The following SYNE2 variants were observed in gnomAD, a reference collection of about 807,000 sequenced individuals.
SYNE2 encodes nesprin-2.
In SYNE2, 431 loss-of-function variants were observed where a neutral mutation model predicts 856.3. That is an observed-to-expected ratio of 0.50 (90% confidence interval 0.47 to 0.55). The LOEUF (loss-of-function observed/expected upper bound fraction) is 0.55, where lower values mean the gene tolerates loss of function less well. Ranked by LOEUF, SYNE2 falls within the 20% of genes least tolerant of loss-of-function variation. SYNE2 has a pLI of 0.00. For synonymous variants in SYNE2, 2,923 were observed against 2,872.3 expected (o/e 1.02, Z -0.56); for missense variants, 8,129 against 8,023.2 (o/e 1.01, Z -0.50).
intron 65 of SYNE2, among the ~76,000 whole-genome samples, chr14:64,109,125 G>A (rs1270067150): frequency 4.0e-5 from 6 of 151,714 alleles, no homozygotes; most frequent in African/African-American, 9.7e-5. Context: ...TCTGCCCACC[G>A]TAATGTTATT....
At chr14:63,938,075 G>A (rs2095854841) in intron 2 of SYNE2, among the ~76,000 whole-genome samples, 1 of 152,136 alleles carries the variant, frequency 6.6e-6, no homozygotes, top group South Asian at 2.1e-4. Context: ...GATTGACGCA[G>A]GGCAGAAGAC....
rs1303201232 is a variant in SYNE2, at chr14:64,056,045, C to G, written c.9846C>G (p.Tyr3282Ter). The change falls in exon 49 of 116, where the codon TAC becomes TAG. Residue 3282 changes from tyrosine to a stop codon, truncating the protein, a stop_gained. Coordinates refer to ENST00000555002, the MANE Select transcript of SYNE2 (RefSeq NM_182914.3). LOFTEE classifies it high-confidence loss of function. ...ITSLEAIIIPYRVDVGNPEES... is the reference protein window; with the variant it reads ...ITSLEAIIIP ...CCCTCGAAGCCATCATTATACCCTACAGAGTAGATGTTGGTAATCCAGAAG... is the reference window on the plus strand; with the variant it reads ...CCCTCGAAGCCATCATTATACCCTAGAGAGTAGATGTTGGTAATCCAGAAG... 6.2e-7 allele frequency: 1 copy of G among 1,614,010 alleles called. No homozygotes were observed. The highest frequency in any genetic ancestry group is 8.5e-7 in the Non-Finnish European group (1 of 1,179,994).
Position 63,947,578 on chromosome 14 carries a change from G to A in SYNE2, c.409-2247G>A, listed in dbSNP as rs550904654. On this transcript the variant is annotated intron_variant, in intron 6 of 115. Coordinates refer to ENST00000555002, the MANE Select transcript of SYNE2 (RefSeq NM_182914.3). Reference sequence around the variant, plus strand: ...TGGCCCAGCACAGTGGCTCATGCCTGTAATCCCAGCACTTTGGGAGGCCGA... The same window carrying A: ...TGGCCCAGCACAGTGGCTCATGCCTATAATCCCAGCACTTTGGGAGGCCGA... 5.3e-5 allele frequency among the ~76,000 whole-genome samples: 8 copies of A among 152,184 alleles called. No individual in the cohort carries two copies. The East Asian group carries it at 9.7e-4, about 18-fold the overall frequency.
intron 30 of SYNE2, among the ~76,000 whole-genome samples, chr14:64,004,601 A>T (rs2153508056): frequency 6.6e-6 from 1 of 152,268 alleles, no homozygotes; most frequent in Admixed American, 6.5e-5. Context: ...AAGTGTTGGG[A>T]TTACAGGCGT....
At chr14:64,029,862 T>A in intron 43 of SYNE2, 33 bp from the exon 44 acceptor site, 2 of 1,602,822 alleles carry the variant, frequency 1.2e-6, no homozygotes, top group Non-Finnish European at 1.7e-6. Context: ...CAGAGAGAAA[T>A]AATTTGTAAA....
intron 1 of SYNE2, among the ~76,000 whole-genome samples, chr14:63,876,512 G>A (rs1251454702): frequency 4.0e-5 from 6 of 148,992 alleles, no homozygotes; most frequent in East Asian, 2.0e-4. Context: ...TTTTGAGACC[G>A]AGTCTCGCTC....
rs773739572 is a variant in SYNE2 at position 64,132,390 on chromosome 14, A to G, written c.14466A>G (p.Leu4822=). 6.2e-6 allele frequency: 10 copies of G among 1,614,230 alleles called. No individual in the cohort carries two copies. In the East Asian group the frequency reaches 1.1e-4, roughly 18 times the overall value. The part of the protein sequence containing the change: ...WAEQVTEVKI[L]EEKSRQCGMK... ...AACAAGTAACAGAAGTTAAAATACTAGAAGAAAAGTCACGCCAATGTGGTA... is the reference window on the plus strand; with the variant it reads ...AACAAGTAACAGAAGTTAAAATACTGGAAGAAAAGTCACGCCAATGTGGTA... The change falls in exon 77 of 116, where the codon CTA becomes CTG. Residue 4822 remains leucine, a synonymous_variant. Transcript: ENST00000555002.
Position 63,998,977 on chromosome 14 carries a change from T to A in SYNE2, c.3417T>A (p.Ser1139=). Residue 1139 remains serine (S), a synonymous_variant, in exon 27 of 116, where the codon TCT becomes TCA. Transcript: ENST00000555002. ...AAAACAACAAATTCAGGATTACTTC[T>A]GATTTCTCTAGTGAAGAGGACAGGA... ...HLQNNKFRIT[S]DFSSEEDRSS... The A allele has an allele frequency of 1.2e-6, 2 of 1,614,130 alleles. No individual in the cohort carries two copies. The highest frequency in any genetic ancestry group is 1.7e-6 in the Non-Finnish European group (2 of 1,179,952).
At chr14:63,831,134 A>T (rs979789104) in intron 1 of SYNE2, among the ~76,000 whole-genome samples, 1 of 150,502 alleles carries the variant, frequency 6.6e-6, no homozygotes, top group East Asian at 2.0e-4. Context: ...GAGCCACAGC[A>T]CCCAGCCGAT....
intron 1 of SYNE2, among the ~76,000 whole-genome samples, chr14:63,880,664 G>A (rs1185975158): frequency 6.9e-6 from 1 of 145,278 alleles, no homozygotes; most frequent in Admixed American, 6.9e-5. Flanking sequence ...ATTTTCTATT[G>A]TCTTTAATTT....
intron 78 of SYNE2, among the ~76,000 whole-genome samples, 181 bp downstream of exon 78, chr14:64,134,381 A>G (rs948685959): frequency 1.3e-5 from 2 of 152,194 alleles, no homozygotes; most frequent in Non-Finnish European, 2.9e-5. Flanking sequence ...TAGCATAACC[A>G]CATGTCTGGC....
At position 64,218,415 on chromosome 14, in the gene SYNE2, T is replaced by A; in HGVS notation, c.19560T>A (p.Pro6520=). ...YKPPYGKLLL[P]PGTDGGKEGP... ...CATTCTAGGGAAAGCTACTATTACC[T>A]CCAGGCACGGATGGTGGCAAAGAAG... The change falls in exon 109 of 116, where the codon CCT becomes CCA. Residue 6520 remains proline, a synonymous_variant. Transcript: ENST00000555002. 6.2e-7 allele frequency: 1 copy of A among 1,613,990 alleles called. No homozygotes were observed. The highest frequency in any genetic ancestry group is 1.3e-5 in the African/African-American group (1 of 74,994).
chr14:64,027,743 C>T lies in SYNE2; in HGVS notation c.6664C>T (p.Pro2222Ser). ...TAAAAATCCCAGCTTCAGTGAAGAG[C>T]CTTGGCTGGAAATAAAGCATCTACA... ...CTKNPSFSEE[P>S]WLEIKHLHES... The change falls in exon 43 of 116, where the codon CCT becomes TCT. Residue 2222 changes from proline (P) to serine (S), a missense_variant. Around this residue, in one of 3 missense-constraint regions of SYNE2, gnomAD observed 297 missense variants for 380.9 expected, o/e 0.78. Transcript: ENST00000555002. The T allele has an allele frequency of 1.9e-6, 3 of 1,613,352 alleles. No homozygotes were observed. The highest frequency in any genetic ancestry group is 2.5e-6 in the Non-Finnish European group (3 of 1,179,768).
chr14:63,907,957 A>G (rs1396709688), intron 1 of SYNE2, among the ~76,000 whole-genome samples: 1 of 152,230 alleles, frequency 6.6e-6, no homozygotes, highest in Non-Finnish European at 1.5e-5. Context: ...CTTTAACAAC[A>G]GTGATCCATG....
chr14:63,803,255 G>C (rs951869894), intron 1 of SYNE2, among the ~76,000 whole-genome samples: 12 of 152,222 alleles, frequency 7.9e-5, no homozygotes, highest in South Asian at 2.1e-4. Flanking sequence ...AGTCCAGCGC[G>C]GTGCGCTCGC....
At chr14:63,936,209 G>A (rs1277142177) in intron 2 of SYNE2, among the ~76,000 whole-genome samples, 1 of 152,078 alleles carries the variant, frequency 6.6e-6, no homozygotes, top group East Asian at 1.9e-4. Flanking sequence ...TATTTATTTA[G>A]GGCCTACACT....
chr14:63,973,506 C>T (rs1206639134), intron 11 of SYNE2, among the ~76,000 whole-genome samples: 1 of 151,434 alleles, frequency 6.6e-6, no homozygotes, highest in Non-Finnish European at 1.5e-5. Flanking sequence ...GTGGTGTGTG[C>T]CTGTAATCCC....
At chr14:63,948,776 G>GTATATATATATATGTATATATATATA (rs1239065048) in intron 6 of SYNE2, among the ~76,000 whole-genome samples, 2 of 67,600 alleles carry the variant, frequency 3.0e-5, no homozygotes, top group Non-Finnish European at 5.7e-5. Context: ...ATATGTATGT[G>GTATATATATATATGTATATATATATA]TGTGTGTATA....
chr14:63,860,093 T>G (rs775956707), intron 1 of SYNE2, among the ~76,000 whole-genome samples: 1 of 152,058 alleles, frequency 6.6e-6, no homozygotes, highest in Non-Finnish European at 1.5e-5. Context: ...CTGGCCCAAG[T>G]GATCTGCCTG....
Sources: gnomAD v4.1 joint callset for allele counts (sites outside exome capture counted in the v4.1 genomes callset) on GRCh38, gnomAD v4.1.1 for gene constraint, gnomAD v4.1.1 regional missense constraint, MANE v1.5 for transcripts, NCBI Gene and HGNC (gene_info 2026-07-23, HGNC 2026-07-21) for gene names.